NAV2: variants seen among roughly 807,000 people sequenced by gnomAD.
The protein encoded by NAV2 is neuron navigator 2.
A neutral mutation model predicts 223.2 loss-of-function variants in NAV2; 54 were observed. That is an observed-to-expected ratio of 0.24 (90% CI 0.19 to 0.30). The LOEUF is 0.30. Among genes scored for constraint, NAV2 ranks in the 10% least tolerant of loss-of-function variants. The pLI, the probability that NAV2 is intolerant of heterozygous loss-of-function variation, is 1.00. For missense variants in NAV2, 2,806 were observed against 3,147.5 expected, an observed-to-expected ratio of 0.89 and a Z score of 2.60; for synonymous variants, 1,279 against 1,239.3, an observed-to-expected ratio of 1.03 and a Z score of -0.67.
At chr11:19,608,805 C>T (rs1017863751) in intron 1 of NAV2, among the ~76,000 whole-genome samples, 12 of 152,182 alleles carry the variant, frequency 7.9e-5, no homozygotes, top group African/African-American at 1.9e-4. Flanking sequence ...TCTGGAGGTC[C>T]GAGTTGAAAA....
intron 1 of NAV2, among the ~76,000 whole-genome samples, chr11:19,531,397 G>C (rs1159302523): frequency 6.6e-6 from 1 of 152,194 alleles, no homozygotes; most frequent in African/African-American, 2.4e-5. Context: ...AAAGAAGCAG[G>C]GGGCCAGTTA....
intron 1 of NAV2, among the ~76,000 whole-genome samples, chr11:19,582,580 A>G (rs914630095): frequency 1.3e-5 from 2 of 152,232 alleles, no homozygotes; most frequent in African/African-American, 2.4e-5. Context: ...AGCTTTCTGC[A>G]TATGGCTAGC....
At chr11:20,035,227 G>C (rs1007540908) in intron 11 of NAV2, among the ~76,000 whole-genome samples, 4 of 152,068 alleles carry the variant, frequency 2.6e-5, no homozygotes, top group Non-Finnish European at 5.9e-5. Flanking sequence ...TGCACATTTG[G>C]ATATGTTTTG....
chr11:19,350,224 C>T (rs1853234084), upstream of NAV2, among the ~76,000 whole-genome samples: 4 of 152,252 alleles, frequency 2.6e-5, no homozygotes, highest in South Asian at 8.3e-4. Flanking sequence ...TTTCCTTGTC[C>T]ATGGATGTGC....
At chr11:19,996,156 C>T (rs2051859673) in intron 11 of NAV2, among the ~76,000 whole-genome samples, 1 of 152,184 alleles carries the variant, frequency 6.6e-6, no homozygotes, top group Admixed American at 6.5e-5. Context: ...CTATAAGGGG[C>T]AAAGTTAGGA....
intron 10 of NAV2, among the ~76,000 whole-genome samples, chr11:19,952,607 A>C (rs910554774): frequency 2.0e-5 from 3 of 152,350 alleles, no homozygotes; most frequent in Non-Finnish European, 4.4e-5. Context: ...GTTTATAGTA[A>C]GTTTATTTAG....
At position 20,055,860 on chromosome 11, in the gene NAV2, A is replaced by G. The variant is rs568985181; in HGVS notation, c.4734A>G (p.Pro1578=). The G allele has an allele frequency of 1.9e-6, 3 of 1,614,208 alleles. No homozygotes were observed. The South Asian group carries it at 3.3e-5, about 18-fold the overall frequency. ...CCAATGCTGATGGGCAGTATGATCC[A>G]TACACTGACAGCCGCTTCCGGAATA... ...SLSNADGQYD[P]YTDSRFRNSS... The change falls in exon 19 of 38, where the codon CCA becomes CCG. Residue 1578 remains proline (P), a synonymous_variant. Transcript: ENST00000349880.
At chr11:19,869,213 C>T (rs1406835619) in intron 4 of NAV2, among the ~76,000 whole-genome samples, 2 of 152,150 alleles carry the variant, frequency 1.3e-5, no homozygotes, top group African/African-American at 4.8e-5. Flanking sequence ...TCTGCAAGAC[C>T]CTGAGAGGGT....
At chr11:19,916,626 A>T (rs1390393809) in intron 6 of NAV2, among the ~76,000 whole-genome samples, 1 of 152,226 alleles carries the variant, frequency 6.6e-6, no homozygotes, top group Non-Finnish European at 1.5e-5. Flanking sequence ...AGATAAAGAG[A>T]TGAATGAAAC....
intron 1 of NAV2, among the ~76,000 whole-genome samples, chr11:19,433,006 T>C (rs900848832): frequency 2.6e-5 from 4 of 152,196 alleles, no homozygotes; most frequent in Non-Finnish European, 4.4e-5. Context: ...CCAGCTCCTG[T>C]CACTTCAGTT....
chr11:19,568,938 T>C (rs990575261), intron 1 of NAV2, among the ~76,000 whole-genome samples: 2 of 152,192 alleles, frequency 1.3e-5, no homozygotes, highest in Non-Finnish European at 1.5e-5. Context: ...ACAGGCAGCA[T>C]TGGAAGAAAG....
chr11:19,450,002 C>A (rs940265414), intron 1 of NAV2, among the ~76,000 whole-genome samples: 4 of 152,162 alleles, frequency 2.6e-5, no homozygotes, highest in African/African-American at 4.8e-5. Flanking sequence ...GGATGCCGAT[C>A]TGAAAACTGT....
chr11:19,481,148 T>G (rs907803937), intron 1 of NAV2, among the ~76,000 whole-genome samples: 2 of 152,100 alleles, frequency 1.3e-5, no homozygotes, highest in African/African-American at 4.8e-5. Flanking sequence ...AAGAGTGACA[T>G]ACATTCAAAT....
intron 26 of NAV2, among the ~76,000 whole-genome samples, chr11:20,087,870 C>A (rs1305119476): frequency 6.6e-6 from 1 of 152,130 alleles, no homozygotes; most frequent in Non-Finnish European, 1.5e-5. Context: ...AGTACCTCTT[C>A]ATGGAGTGAG....
At chr11:19,833,029 A>G (rs1015105801) in intron 2 of NAV2, among the ~76,000 whole-genome samples, 2 of 152,228 alleles carry the variant, frequency 1.3e-5, no homozygotes, top group African/African-American at 4.8e-5. Flanking sequence ...GGTCTGACAA[A>G]TCAAAGGCTA....
chr11:19,948,038 C>G (rs894822802), intron 9 of NAV2, among the ~76,000 whole-genome samples: 1 of 151,912 alleles, frequency 6.6e-6, no homozygotes, highest in African/African-American at 2.4e-5. Flanking sequence ...CTAATCAGTT[C>G]AGCATTTTCT....
chr11:20,041,753 C>T lies in NAV2; in HGVS notation c.2908-2228C>T, dbSNP rs193119065. Among the ~76,000 whole-genome samples, 3 of 152,266 alleles carry T rather than the reference C, an allele frequency of 2.0e-5. No individual in the cohort carries two copies. The East Asian group carries it at 5.8e-4, about 29-fold the overall frequency. On this transcript the variant is annotated intron_variant, in intron 12 of 37. Transcript: ENST00000349880. ...GAATGTTCCAAAGCCAAGTTATTTTCTGCCTCAGGACCTTTATACATGTGG... is the reference window on the plus strand; with the variant it reads ...GAATGTTCCAAAGCCAAGTTATTTTTTGCCTCAGGACCTTTATACATGTGG...
chr11:19,674,608 CTA>C (rs1387976486), intron 1 of NAV2, among the ~76,000 whole-genome samples: 3 of 152,182 alleles, frequency 2.0e-5, no homozygotes, highest in Non-Finnish European at 4.4e-5. Context: ...ATCTCAATGG[CTA>C]TGTGTTAACA....
Position 20,103,350 on chromosome 11 carries a change from C to A in NAV2, c.6513C>A (p.His2171Gln), listed in dbSNP as rs754749385. 2 of 1,614,058 alleles carry A rather than the reference C, an allele frequency of 1.2e-6. No individual in the cohort carries two copies. The highest frequency in any genetic ancestry group is 2.2e-5 in the East Asian group (1 of 44,900). Residue 2171 changes from histidine (H) to glutamine (Q), a missense_variant, in exon 33 of 38, where the codon CAC (histidine) becomes CAA (glutamine). Around this residue, in one of 4 missense-constraint regions of NAV2, gnomAD observed 824 missense variants for 1,069.4 expected, o/e 0.77. Coordinates refer to ENST00000349880, the MANE Select transcript of NAV2 (RefSeq NM_145117.5). ...MPLVIILDNL[H>Q]HVSSLGEIFN... ...TCGTCATCATCCTGGACAACCTACA[C>A]CACGTGAGCTCTCTGGGAGAGATCT...
Sources: allele counts gnomAD v4.1 joint callset (sites outside exome capture counted in the v4.1 genomes callset), GRCh38; gene constraint gnomAD v4.1.1; regional missense constraint gnomAD v4.1.1; transcripts MANE v1.5; gene names NCBI Gene and HGNC (gene_info 2026-07-23, HGNC 2026-07-21).